The following NXNL2 variants were observed in gnomAD, a reference collection of about 807,000 sequenced individuals.
NXNL2 encodes nucleoredoxin-like protein 2.
A neutral mutation model predicts 11.1 loss-of-function variants in NXNL2; 7 were observed. That is an observed-to-expected ratio of 0.63 (90% CI 0.36 to 1.18). The LOEUF is 1.18. NXNL2 is among the 50% of genes most tolerant of loss of function. NXNL2 has a pLI of 0.02. For synonymous variants in NXNL2, 109 were observed against 101.8 expected (o/e 1.07, Z -0.42); for missense variants, 233 against 217.7 (o/e 1.07, Z -0.44).
At chr9:88,564,345 C>A (rs751854657) in intron 1 of NXNL2, among the ~76,000 whole-genome samples, 12 of 149,438 alleles carry the variant, frequency 8.0e-5, no homozygotes, top group Non-Finnish European at 1.8e-4. Context: ...TAGCTATCAT[C>A]TATTTATCTG....
downstream of NXNL2, among the ~76,000 whole-genome samples, chr9:88,580,101 T>C (rs1442373011): frequency 6.6e-6 from 1 of 151,404 alleles, no homozygotes; most frequent in Admixed American, 6.6e-5. Flanking sequence ...ATCGCGCCAT[T>C]GCACGCTAGC....
downstream of NXNL2, among the ~76,000 whole-genome samples, chr9:88,580,153 CTTTTTTTTTTT>C (rs756690090): frequency 1.6e-5 from 2 of 127,774 alleles, no homozygotes; most frequent in African/African-American, 5.8e-5. Flanking sequence ...AAAAAAAATT[CTTTTTTTTTTT>C]TTTTTTGAGA....
chr9:88,563,062 T>C (rs1830108585), intron 1 of NXNL2, among the ~76,000 whole-genome samples: 1 of 152,098 alleles, frequency 6.6e-6, no homozygotes, highest in Non-Finnish European at 1.5e-5. Flanking sequence ...CAATCCAGCC[T>C]GGTGACAGAA....
downstream of NXNL2, among the ~76,000 whole-genome samples, chr9:88,547,312 G>A (rs1829858297): frequency 2.0e-5 from 3 of 152,218 alleles, no homozygotes; most frequent in Admixed American, 2.0e-4. Flanking sequence ...GAGAGGCCTA[G>A]CCACTGGCAT....
chr9:88,553,807 G>A (rs984425706), intron 1 of NXNL2, among the ~76,000 whole-genome samples: 3 of 152,130 alleles, frequency 2.0e-5, no homozygotes, highest in Admixed American at 1.3e-4. Context: ...AACATTTGCA[G>A]TGATAAGGCA....
Position 88,566,177 on chromosome 9 carries a change from A to G in NXNL2, c.303-4910A>G, listed in dbSNP as rs183858684. 1.5e-3 allele frequency among the ~76,000 whole-genome samples: 222 copies of G among 152,160 alleles called. 1 individual carries two copies. The highest frequency in any genetic ancestry group is 3.4e-3 in the Middle Eastern group (1 of 294). On this transcript the variant is annotated intron_variant, in intron 1 of 2. Transcript: ENST00000375855. Reference sequence around the variant, plus strand: ...TTGATTGTTTTCTTTGCTGTGTTGAAGCTTTTTAGTTTGATGTAATCCCAC... The same window carrying G: ...TTGATTGTTTTCTTTGCTGTGTTGAGGCTTTTTAGTTTGATGTAATCCCAC...
intron 1 of NXNL2, among the ~76,000 whole-genome samples, chr9:88,556,718 T>G (rs1040560214): frequency 2.6e-5 from 4 of 152,166 alleles, no homozygotes; most frequent in African/African-American, 9.7e-5. Flanking sequence ...GGAATTTGTC[T>G]GCCTTCTACT....
chr9:88,568,950 A>C (rs1475976193), intron 1 of NXNL2, among the ~76,000 whole-genome samples: 2 of 151,422 alleles, frequency 1.3e-5, no homozygotes. Context: ...TTTTTCTTGG[A>C]CAACGCCTCA....
intron 1 of NXNL2, among the ~76,000 whole-genome samples, chr9:88,541,428 T>C (rs185122427): frequency 1.3e-3 from 202 of 151,750 alleles, no homozygotes; most frequent in African/African-American, 4.7e-3. Flanking sequence ...ACCTGGTTAA[T>C]TTTTTTTTAT....
chr9:88,562,983 G>A (rs1055197582), intron 1 of NXNL2, among the ~76,000 whole-genome samples: 2 of 151,878 alleles, frequency 1.3e-5, no homozygotes, highest in African/African-American at 4.8e-5. Context: ...AGCTACTCGG[G>A]AGGCTGAGGC....
At chr9:88,577,811 T>C (rs148169791), downstream of NXNL2, among the ~76,000 whole-genome samples, 8 of 152,304 alleles carry the variant, frequency 5.3e-5, no homozygotes, top group Non-Finnish European at 1.2e-4. Context: ...ATTTAGGGCA[T>C]CAACATATGA....
downstream of NXNL2, among the ~76,000 whole-genome samples, chr9:88,580,013 G>A (rs1284447687): frequency 5.9e-5 from 9 of 152,094 alleles, 1 homozygote; most frequent in East Asian, 1.9e-4. Flanking sequence ...GGTGGCACAC[G>A]CCTGTAGTCC....
At chr9:88,555,880 G>C (rs1225742716) in intron 1 of NXNL2, among the ~76,000 whole-genome samples, 1 of 152,182 alleles carries the variant, frequency 6.6e-6, no homozygotes, top group Non-Finnish European at 1.5e-5. Flanking sequence ...CAGAGGGTCC[G>C]GCCACAGTGC....
rs1038575007 is a variant in NXNL2 at position 88,544,370 on chromosome 9, G to T, written c.303-9G>T. 1 of 1,551,066 alleles carries T rather than the reference G, an allele frequency of 6.4e-7. No homozygotes were observed. The highest frequency in any genetic ancestry group is 2.0e-5 in the Admixed American group (1 of 50,970). On this transcript the variant is annotated splice_polypyrimidine_tract_variant and intron_variant, in intron 1 of 1. Transcript: ENST00000375854. Reference sequence around the variant, plus strand: ...GTGCTAACTTCGGTACCACTCTTCTGTCCTGCAGTGAGCTGAGGAAGAGGT... The same window carrying T: ...GTGCTAACTTCGGTACCACTCTTCTTTCCTGCAGTGAGCTGAGGAAGAGGT...
chr9:88,553,270 C>A (rs1389215405), intron 1 of NXNL2, among the ~76,000 whole-genome samples: 1 of 152,098 alleles, frequency 6.6e-6, no homozygotes, highest in Non-Finnish European at 1.5e-5. Flanking sequence ...TGATTGAACC[C>A]GGGAAGCGGA....
At chr9:88,575,177 C>T (rs1830331926) in exon 3 of NXNL2, 2 of 984,862 alleles carry the variant, frequency 2.0e-6, no homozygotes, top group Admixed American at 6.2e-5. Context: ...CATCCGTGTC[C>T]TGCATTCTGC....
chr9:88,582,485 G>GA (rs1257586064), intron 1 of NXNL2, among the ~76,000 whole-genome samples: 1 of 151,620 alleles, frequency 6.6e-6, no homozygotes, highest in Non-Finnish European at 1.5e-5. Context: ...ATAAAAAAAT[G>GA]AAAAAAAAGA....
chr9:88,573,138 A>T (rs1830297065), intron 2 of NXNL2, among the ~76,000 whole-genome samples: 1 of 145,722 alleles, frequency 6.9e-6, no homozygotes, highest in Non-Finnish European at 1.5e-5. Context: ...TGAAGGACAT[A>T]AAATAGTCAA....
chr9:88,541,742 T>G (rs966674638), intron 1 of NXNL2, among the ~76,000 whole-genome samples: 4 of 152,232 alleles, frequency 2.6e-5, no homozygotes, highest in African/African-American at 9.6e-5. Context: ...GCTTCTTGAA[T>G]TAGATCCATA....
Sources: allele counts gnomAD v4.1 joint callset (sites outside exome capture counted in the v4.1 genomes callset), GRCh38; gene constraint gnomAD v4.1.1; transcripts MANE v1.5; gene names NCBI Gene and HGNC (gene_info 2026-07-23, HGNC 2026-07-21).